Variants in CAPS2 observed in about 807,000 individuals in gnomAD.
CAPS2 encodes calcyphosine 2.
Under a neutral mutation model 86.5 loss-of-function variants are expected in CAPS2, and 98 were observed. That is an observed-to-expected ratio of 1.13 (90% confidence interval 0.96 to 1.34). The LOEUF is 1.34. Ranked by LOEUF, CAPS2 falls within the 40% of genes most tolerant of loss-of-function variation. CAPS2 has a pLI of 0.00. For synonymous variants in CAPS2, 210 were observed against 225.1 expected (o/e 0.93, Z 0.60); for missense variants, 729 against 686.8 (o/e 1.06, Z -0.69).
At chr12:75,381,408 A>G (rs2044967148) in intron 1 of CAPS2, among the ~76,000 whole-genome samples, 1 of 152,148 alleles carries the variant, frequency 6.6e-6, no homozygotes, top group African/African-American at 2.4e-5. Context: ...TACAGCGACA[A>G]ACGATACTTT....
At chr12:75,371,507 C>T (rs1319735042) in intron 1 of CAPS2, 2 of 333,942 alleles carry the variant, frequency 6.0e-6, no homozygotes, top group Non-Finnish European at 1.2e-5. Flanking sequence ...ACAATATTAA[C>T]CATCACAAGT....
intron 1 of CAPS2, among the ~76,000 whole-genome samples, chr12:75,386,922 C>T (rs967511904): frequency 6.6e-6 from 1 of 151,948 alleles, no homozygotes; most frequent in Non-Finnish European, 1.5e-5. Flanking sequence ...CAAAATGGAT[C>T]ACAGACCTAA....
chr12:75,367,318 C>T (rs1303869004), intron 1 of CAPS2, among the ~76,000 whole-genome samples: 1 of 146,016 alleles, frequency 6.8e-6, no homozygotes, highest in Non-Finnish European at 1.5e-5. Context: ...CGTAGTAACA[C>T]TTAGCTTAAA....
chr12:75,355,920 C>G (rs995291138), intron 1 of CAPS2, among the ~76,000 whole-genome samples: 1 of 152,090 alleles, frequency 6.6e-6, no homozygotes, highest in Non-Finnish European at 1.5e-5. Context: ...CAAATGGGAG[C>G]TGAACAATGG....
At chr12:75,326,528 C>A (rs1490079918), upstream of CAPS2, 3 of 1,375,498 alleles carry the variant, frequency 2.2e-6, no homozygotes, top group East Asian at 7.5e-5. Context: ...ATGCAGTATA[C>A]TTTGAAAAAG....
At chr12:75,297,657 T>C (rs979227090) in intron 11 of CAPS2, among the ~76,000 whole-genome samples, 3 of 152,204 alleles carry the variant, frequency 2.0e-5, no homozygotes, top group African/African-American at 7.2e-5. Flanking sequence ...CCCCAATACA[T>C]GTTAGATAAC....
chr12:75,278,880 T>C, exon 17 of CAPS2: 1 of 1,534,304 alleles, frequency 6.5e-7, no homozygotes, highest in South Asian at 1.3e-5. Flanking sequence ...GACATATGTA[T>C]TATTAAAGAC....
chr12:75,277,284 C>T (rs2033100181), exon 17 of CAPS2: 14 of 967,716 alleles, frequency 1.4e-5, no homozygotes, highest in African/African-American at 1.8e-5. Flanking sequence ...GACATGCCAA[C>T]ATTAAGAACA....
intron 1 of CAPS2, among the ~76,000 whole-genome samples, chr12:75,338,009 A>G (rs1454937744): frequency 1.3e-5 from 2 of 152,126 alleles, no homozygotes; most frequent in Non-Finnish European, 2.9e-5. Context: ...GTAATTTAAA[A>G]TATTCTTAAC....
At position 75,325,338 on chromosome 12, in the gene CAPS2, C is replaced by T. The variant is rs528566820; in HGVS notation, c.82-50G>A. The T allele has an allele frequency of 2.0e-5, 25 of 1,254,990 alleles. No individual in the cohort carries two copies. The East Asian group carries it at 6.1e-4, about 31-fold the overall frequency. The allele number at this position is 1,254,990 out of a possible 1,614,324, so 77.7% of individuals were successfully genotyped here. A position where few individuals can be genotyped will look rare whatever the true frequency, so the allele number is the denominator to read the frequency against. On this transcript the variant is annotated intron_variant, in intron 1 of 16. Coordinates refer to ENST00000393284, the Ensembl canonical transcript of CAPS2. ...GAATCAGTATAAATATGAATATACC[C>T]TTTATACTTTAAGAGATACACAATA...
intron 1 of CAPS2, among the ~76,000 whole-genome samples, chr12:75,367,464 C>G (rs1014067693): frequency 2.0e-5 from 3 of 151,952 alleles, no homozygotes; most frequent in African/African-American, 7.2e-5. Flanking sequence ...ACACATTAGC[C>G]TAGGCCTACA....
At chr12:75,387,660 C>T (rs1174670218) in intron 1 of CAPS2, among the ~76,000 whole-genome samples, 1 of 152,156 alleles carries the variant, frequency 6.6e-6, no homozygotes, top group Non-Finnish European at 1.5e-5. Context: ...TGGTGTGGCC[C>T]TTCTTGCTAC....
chr12:75,290,009 A>C (rs1394367383), intron 13 of CAPS2, among the ~76,000 whole-genome samples: 1 of 152,200 alleles, frequency 6.6e-6, no homozygotes. Flanking sequence ...TGTGTGGTGG[A>C]AGTGGTATGT....
intron 7 of CAPS2, chr12:75,305,495 C>A: frequency 1.7e-6 from 1 of 591,390 alleles, no homozygotes; most frequent in Admixed American, 2.3e-5. Flanking sequence ...GCAGCCGAGG[C>A]CTCCAGCTCC....
At chr12:75,390,438 T>C (rs2077198024) in intron 1 of CAPS2, 1 of 453,406 alleles carries the variant, frequency 2.2e-6, no homozygotes, top group African/African-American at 2.0e-5. Context: ...TGATCCCTAC[T>C]CTCCCTTCAC....
intron 1 of CAPS2, among the ~76,000 whole-genome samples, chr12:75,372,578 C>T (rs183517995): frequency 2.0e-5 from 3 of 152,278 alleles, no homozygotes; most frequent in Admixed American, 2.0e-4. Flanking sequence ...GGTGCCACTT[C>T]CACTTCCACC....
chr12:75,289,583 C>T, intron 14 of CAPS2, 38 bp downstream of exon 14: 2 of 1,560,268 alleles, frequency 1.3e-6, no homozygotes, highest in Non-Finnish European at 1.7e-6. Flanking sequence ...CTAAGAATAA[C>T]ATATTATCTG....
chr12:75,376,798 C>T (rs1413942670), intron 1 of CAPS2, among the ~76,000 whole-genome samples: 1 of 152,168 alleles, frequency 6.6e-6, no homozygotes, highest in African/African-American at 2.4e-5. Flanking sequence ...AGGTCAGCCA[C>T]TCGCATGATA....
chr12:75,321,463 A>C (rs1200645203), exon 5 of CAPS2: 3 of 1,547,246 alleles, frequency 1.9e-6, no homozygotes, highest in African/African-American at 1.4e-5. Flanking sequence ...TATTTTCTGC[A>C]TTTCTCTGAC....
Sources: gnomAD v4.1 joint callset for allele counts (sites outside exome capture counted in the v4.1 genomes callset) on GRCh38, gnomAD v4.1.1 for gene constraint, MANE v1.5 for transcripts, NCBI Gene and HGNC (gene_info 2026-07-23, HGNC 2026-07-21) for gene names.